The following AGTRAP variants were observed in gnomAD, a reference collection of about 807,000 sequenced individuals.
The protein encoded by AGTRAP is angiotensin II receptor associated protein, also known as type-1 angiotensin II receptor-associated protein.
Under a neutral mutation model 15.2 loss-of-function variants are expected in AGTRAP, and 7 were observed. The ratio of observed to expected loss-of-function variants is 0.46; its 90% CI spans 0.26 to 0.87. AGTRAP has a LOEUF of 0.87. AGTRAP is among the 40% of genes least tolerant of loss of function. AGTRAP has a pLI of 0.15. For synonymous variants in AGTRAP, 74 were observed against 89.6 expected (o/e 0.83, Z 0.98); for missense variants, 187 against 213.4 (o/e 0.88, Z 0.77).
rs550150825 is a variant in AGTRAP, at chr1:11,744,582, G to A, written c.28-1221G>A. On this transcript the variant is annotated intron_variant, in intron 1 of 4. Coordinates refer to ENST00000314340, the MANE Select transcript of AGTRAP (RefSeq NM_020350.5). ...AATCACCCTCACGTGAGTCCCCACC[G>A]CTCCGCTTCCCATCGAGGCCTCTTC... 3.7e-4 allele frequency: 264 copies of A among 714,864 alleles called. 3 individuals carry two copies. The South Asian group carries it at 3.8e-3, about 10-fold the overall frequency. 44.3% of individuals were successfully genotyped at this position (714,864 alleles called of 1,614,324 possible). A position where few individuals can be genotyped will look rare whatever the true frequency, so the allele number is the denominator to read the frequency against.
chr1:11,739,694 C>T (rs1029995800), intron 1 of AGTRAP, among the ~76,000 whole-genome samples: 4 of 152,224 alleles, frequency 2.6e-5, no homozygotes, highest in Admixed American at 6.5e-5. Flanking sequence ...ACACGGATGA[C>T]ATGAGTTAGG....
At chr1:11,741,129 A>G (rs1642020941) in intron 1 of AGTRAP, among the ~76,000 whole-genome samples, 1 of 145,710 alleles carries the variant, frequency 6.9e-6, no homozygotes, top group South Asian at 2.1e-4. Context: ...TTCAGTTTCC[A>G]GAAAGTTCCA....
chr1:11,740,171 C>A (rs548290525), intron 1 of AGTRAP, among the ~76,000 whole-genome samples: 1 of 152,242 alleles, frequency 6.6e-6, no homozygotes, highest in Non-Finnish European at 1.5e-5. Flanking sequence ...ACCTGAGAAT[C>A]CTGTGTCTCT....
In AGTRAP at chr1:11,748,607, A is replaced by G. The variant is rs370799877; in HGVS notation, c.361A>G (p.Thr121Ala). 23 of 1,604,962 alleles carry G rather than the reference A, an allele frequency of 1.4e-5. No homozygotes were observed. The African/African-American group carries it at 1.5e-4, about 10-fold the overall frequency. The change falls in exon 4 of 5, where the codon ACT becomes GCT. Residue 121 changes from threonine (T) to alanine (A), a missense_variant. Coordinates refer to ENST00000314340, the MANE Select transcript of AGTRAP (RefSeq NM_020350.5). ...GCGCGGGGGTGAGCTCCTGGTCCAC[A>G]CTGGTGAGGCCACCACCTCCAGCCA... ...RERGGELLVHTGFLGSSQDRS... is the reference protein window; with the variant it reads ...RERGGELLVHAGFLGSSQDRS...
intron 1 of AGTRAP, among the ~76,000 whole-genome samples, chr1:11,738,459 G>A (rs1641950605): frequency 6.6e-6 from 1 of 152,168 alleles, no homozygotes; most frequent in Non-Finnish European, 1.5e-5. Flanking sequence ...GAAGACCTTG[G>A]GAGGAGGATC....
At position 11,745,058 on chromosome 1, in the gene AGTRAP, T is replaced by C. The variant is rs1485321368; in HGVS notation, c.28-745T>C. Among the ~76,000 whole-genome samples the C allele has an allele frequency of 1.3e-5, 2 of 151,938 alleles. No homozygotes were observed. Among genetic ancestry groups the C allele is most frequent in the East Asian group, 3.9e-4 (2 of 5,166 alleles). ...TTAGTAGAGACAGGGTTTCACCATG[T>C]TGGCCAGGCTGGTCCTGAACTCCTG... On this transcript the variant is annotated intron_variant, in intron 1 of 4. Transcript: ENST00000314340. This position sits in a 1 kb window ranked among gnomAD's most constrained non-coding sequence, Gnocchi z 4.2.
intron 1 of AGTRAP, chr1:11,744,596 C>T (rs1292323022): frequency 1.4e-6 from 1 of 714,626 alleles, no homozygotes; most frequent in Non-Finnish European, 2.6e-6. Context: ...CGCTTCCCAT[C>T]GAGGCCTCTT....
chr1:11,748,722 G>T, intron 4 of AGTRAP, 112 bp downstream of exon 4: 13 of 1,279,068 alleles, frequency 1.0e-5, no homozygotes, highest in Non-Finnish European at 1.3e-5. Flanking sequence ...GGCTCAAGGT[G>T]CAGGGAGAGC....
At chr1:11,748,347 G>C (rs569331126) in intron 3 of AGTRAP, 68 bp from the exon 4 acceptor site, 9 of 1,527,906 alleles carry the variant, frequency 5.9e-6, no homozygotes, top group South Asian at 5.9e-5. Context: ...CTTCCCATCC[G>C]GTGTGTGGCG....
At position 11,750,056 on chromosome 1, in the gene AGTRAP, AC is replaced by A. The variant is rs1280327311; in HGVS notation, c.365-19del. 1.3e-6 allele frequency: 2 copies of A among 1,595,220 alleles called. No individual in the cohort carries two copies. The highest frequency in any genetic ancestry group is 1.7e-4 in the Middle Eastern group (1 of 6,046). On this transcript the variant is annotated intron_variant, in intron 4 of 4. Coordinates refer to ENST00000314340, the MANE Select transcript of AGTRAP (RefSeq NM_020350.5). ...TTCTCACCCTTCATTTTTCTTTCCC[AC>A]CATGTCCCCTGTCACCTAGGTTTCC...
In AGTRAP at chr1:11,750,693, GT is replaced by G; in HGVS notation, c.*502del. The G allele has an allele frequency of 4.3e-6, 1 of 233,356 alleles. No individual in the cohort carries two copies. The highest frequency in any genetic ancestry group is 5.2e-5 in the Admixed American group (1 of 19,370). 14.5% of individuals were successfully genotyped at this position (233,356 alleles called of 1,614,324 possible). On this transcript the variant is annotated 3_prime_UTR_variant, in exon 5 of 5. Coordinates refer to ENST00000314340, the MANE Select transcript of AGTRAP (RefSeq NM_020350.5). The stretch of plus-strand genomic sequence containing the variant: ...GGATGCAGGGCTGGAGGCCAGAGGT[GT>G]CAGCAACACTGTGTCCCACCACAAC...
intron 4 of AGTRAP, 55 bp from the exon 5 acceptor site, chr1:11,750,022 C>T: frequency 6.9e-7 from 1 of 1,440,442 alleles, no homozygotes; most frequent in Non-Finnish European, 9.7e-7. Context: ...CTCAGCTGAA[C>T]ATCCCGAGTT....
intron 1 of AGTRAP, among the ~76,000 whole-genome samples, chr1:11,743,366 T>A (rs1372572157): frequency 6.7e-6 from 1 of 150,214 alleles, no homozygotes; most frequent in East Asian, 2.0e-4. Context: ...GTGCCTCAAC[T>A]TCCGGAGTAG....
At chr1:11,736,652 G>A (rs1453624892) in intron 1 of AGTRAP, among the ~76,000 whole-genome samples, 1 of 152,240 alleles carries the variant, frequency 6.6e-6, no homozygotes, top group East Asian at 1.9e-4. Flanking sequence ...TCCCAGCACC[G>A]TTTCAGGAGC....
chr1:11,743,757 G>C (rs17875933), intron 1 of AGTRAP, among the ~76,000 whole-genome samples: 1,583 of 151,804 alleles, frequency 0.01, 25 homozygotes, highest in African/African-American at 0.037. Context: ...GTAGAAACGG[G>C]GTTTCTCCAT....
At chr1:11,748,154 A>G (rs1402871996) in intron 3 of AGTRAP, among the ~76,000 whole-genome samples, 2 of 152,210 alleles carry the variant, frequency 1.3e-5, no homozygotes, top group Admixed American at 1.3e-4. Flanking sequence ...TCTTGTGCCC[A>G]TCATGGCCTT....
At chr1:11,740,885 G>C (rs115665170) in intron 1 of AGTRAP, among the ~76,000 whole-genome samples, 7 of 152,094 alleles carry the variant, frequency 4.6e-5, no homozygotes, top group African/African-American at 1.7e-4. Context: ...CTCTTTCCTC[G>C]GTGTCTTCTT....
intron 1 of AGTRAP, among the ~76,000 whole-genome samples, chr1:11,742,483 T>C (rs1190376035): frequency 1.3e-5 from 2 of 151,976 alleles, no homozygotes; most frequent in African/African-American, 4.8e-5. Flanking sequence ...CTTTTCTTTC[T>C]TTTTCTTTCT....
chr1:11,742,739 C>T (rs1254797148), intron 1 of AGTRAP, among the ~76,000 whole-genome samples: 1 of 152,122 alleles, frequency 6.6e-6, no homozygotes, highest in African/African-American at 2.4e-5. Flanking sequence ...CTTTGTTAGC[C>T]AGGTTGTTCT....
Sources: gnomAD v4.1 joint callset for allele counts (sites outside exome capture counted in the v4.1 genomes callset) on GRCh38, gnomAD v4.1.1 for gene constraint, Gnocchi (gnomAD v3.1) non-coding constraint, MANE v1.5 for transcripts, NCBI Gene and HGNC (gene_info 2026-07-23, HGNC 2026-07-21) for gene names.